Variants in IL23R observed in about 807,000 individuals in gnomAD.
IL23R encodes the protein interleukin-23 receptor.
A neutral mutation model predicts 56.9 loss-of-function variants in IL23R; 34 were observed. The observed-to-expected ratio is 0.60, with a 90% CI of 0.45 to 0.80. The LOEUF (loss-of-function observed/expected upper bound fraction) is 0.80. IL23R is among the 30% of genes least tolerant of loss of function. IL23R has a pLI of 0.00. For synonymous variants in IL23R, 230 were observed against 249.2 expected, an observed-to-expected ratio of 0.92 and a Z score of 0.73; for missense variants, 635 against 730.0, an observed-to-expected ratio of 0.87 and a Z score of 1.50.
chr1:67,256,581 G>C (rs1263199608), intron 10 of IL23R, among the ~76,000 whole-genome samples: 1 of 152,124 alleles, frequency 6.6e-6, no homozygotes, highest in Non-Finnish European at 1.5e-5. Context: ...CCCAGTCCAA[G>C]GGACAAACAC....
At chr1:67,162,851 C>T (rs779169414), upstream of IL23R, among the ~76,000 whole-genome samples, 2 of 152,126 alleles carry the variant, frequency 1.3e-5, no homozygotes, top group South Asian at 2.1e-4. Flanking sequence ...CTGTGAACCC[C>T]GGCTCATTTT....
chr1:67,228,205 T>TCCTTCCTCC (rs1275872197), intron 7 of IL23R, among the ~76,000 whole-genome samples: 1 of 142,532 alleles, frequency 7.0e-6, no homozygotes, highest in Admixed American at 7.3e-5. Context: ...CTTCCTCCCT[T>TCCTTCCTCC]CTTTTTTAGA....
chr1:67,193,215 C>T, intron 4 of IL23R, among the ~76,000 whole-genome samples: 1 of 152,162 alleles, frequency 6.6e-6, no homozygotes, highest in Non-Finnish European at 1.5e-5. Flanking sequence ...CTTTCCTCAT[C>T]TCTCTAAAAA....
At chr1:67,204,715 A>G (rs1311970957) in intron 5 of IL23R, among the ~76,000 whole-genome samples, 1 of 151,548 alleles carries the variant, frequency 6.6e-6, no homozygotes, top group Non-Finnish European at 1.5e-5. Context: ...AATGGTCCTA[A>G]GCAATTTCAG....
intron 10 of IL23R, among the ~76,000 whole-genome samples, chr1:67,256,239 A>G (rs1652941459): frequency 6.6e-6 from 1 of 152,224 alleles, no homozygotes; most frequent in Non-Finnish European, 1.5e-5. Flanking sequence ...GTCTTCAGGA[A>G]CAAAGGGAGT....
At chr1:67,239,526 A>G (rs938633405) in intron 8 of IL23R, among the ~76,000 whole-genome samples, 2 of 152,192 alleles carry the variant, frequency 1.3e-5, no homozygotes, top group Non-Finnish European at 2.9e-5. Context: ...CGGCCTCTCA[A>G]AGTGCTGGGA....
rs953859984 is a variant in IL23R at position 67,183,017 on chromosome 1, C to T, written c.491+58C>T. 6 of 1,601,378 alleles carry T rather than the reference C, an allele frequency of 3.7e-6. No homozygotes were observed. In the African/African-American group the frequency reaches 8.0e-5, roughly 21 times the overall value. ...GTTCCACCCCAGTTCAGCCAGAGCT[C>T]TGCCTCCAGCAGAGATCCAAGAAAT... is the stretch of plus-strand genomic sequence containing the variant. On this transcript the variant is annotated intron_variant, in intron 4 of 10. Coordinates refer to ENST00000347310, the MANE Select transcript of IL23R (RefSeq NM_144701.3).
At chr1:67,151,723 C>T (rs1646729949) in intron 1 of IL23R, among the ~76,000 whole-genome samples, 1 of 152,126 alleles carries the variant, frequency 6.6e-6, no homozygotes, top group Non-Finnish European at 1.5e-5. Flanking sequence ...TTCCCCATTG[C>T]TTATTTTTGT....
chr1:67,152,001 T>C (rs1338890258), intron 1 of IL23R, among the ~76,000 whole-genome samples: 1 of 152,178 alleles, frequency 6.6e-6, no homozygotes, highest in Non-Finnish European at 1.5e-5. Context: ...CTGCGAAGAA[T>C]GTAAATGGTA....
intron 7 of IL23R, among the ~76,000 whole-genome samples, chr1:67,235,622 G>A (rs572350743): frequency 4.5e-4 from 69 of 152,070 alleles, no homozygotes; most frequent in African/African-American, 1.6e-3. Flanking sequence ...TCAACTCCTG[G>A]CCTCAAGTGA....
chr1:67,207,403 C>A (rs1649149828), intron 6 of IL23R, among the ~76,000 whole-genome samples: 1 of 152,122 alleles, frequency 6.6e-6, no homozygotes, highest in South Asian at 2.1e-4. Flanking sequence ...TTATTGCCAT[C>A]TTTATGTCCA....
chr1:67,230,037 C>CA (rs1294019325), intron 7 of IL23R, among the ~76,000 whole-genome samples: 4 of 152,230 alleles, frequency 2.6e-5, no homozygotes, highest in African/African-American at 9.6e-5. Context: ...GAACCACAGC[C>CA]AAAATCACAG....
chr1:67,205,915 C>CTTTCTTTCTT (rs565564329), intron 5 of IL23R, among the ~76,000 whole-genome samples: 12,759 of 122,890 alleles, frequency 0.1, 728 homozygotes, highest in Non-Finnish European at 0.14. Flanking sequence ...TTCTTTCTTT[C>CTTTCTTTCTT]TTTCTTTCTT....
chr1:67,205,893 TTC>T (rs1416835876), intron 5 of IL23R, among the ~76,000 whole-genome samples: 3 of 123,836 alleles, frequency 2.4e-5, no homozygotes, highest in African/African-American at 8.2e-5. Context: ...CTTTCTTTCT[TTC>T]TTTCTTTCTT....
chr1:67,139,163 T>C lies in IL23R; in HGVS notation c.-634+2T>C, dbSNP rs1646611379. The C allele has an allele frequency of 6.6e-6, 1 of 152,252 alleles. No homozygotes were observed. The highest frequency in any genetic ancestry group is 1.5e-5 in the Non-Finnish European group (1 of 68,044). The allele number at this position is 152,252 out of a possible 1,614,324, so 9.4% of individuals were successfully genotyped here. A position where few individuals can be genotyped will look rare whatever the true frequency, so the allele number is the denominator to read the frequency against. On this transcript the variant is annotated splice_donor_variant, in intron 1 of 10. Coordinates refer to the IL23R transcript ENST00000637002. LOFTEE classifies it low-confidence loss of function (5UTR_SPLICE). Reference sequence around the variant, plus strand: ...GACCTCTTCAGCTAACATGATCCAGTAAGTTCTCTTTGTGTATAAACCAGT... The same window carrying C: ...GACCTCTTCAGCTAACATGATCCAGCAAGTTCTCTTTGTGTATAAACCAGT...
At chr1:67,154,272 T>A (rs983305867) in intron 1 of IL23R, among the ~76,000 whole-genome samples, 3 of 152,236 alleles carry the variant, frequency 2.0e-5, no homozygotes, top group Non-Finnish European at 4.4e-5. Flanking sequence ...GTCTATTAGG[T>A]GCACTTGATC....
chr1:67,197,119 G>A (rs113158698), intron 4 of IL23R, among the ~76,000 whole-genome samples: 141 of 152,320 alleles, frequency 9.3e-4, no homozygotes, highest in African/African-American at 3.1e-3. Flanking sequence ...AACTCAGAGA[G>A]TAGGGAAAGA....
chr1:67,236,257 CAGG>C, intron 7 of IL23R, among the ~76,000 whole-genome samples: 1 of 152,340 alleles, frequency 6.6e-6, no homozygotes, highest in Admixed American at 6.5e-5. Context: ...TATGAGGAGC[CAGG>C]AGAAGGTGAA....
At chr1:67,162,471 A>G (rs1646831065), upstream of IL23R, among the ~76,000 whole-genome samples, 1 of 152,106 alleles carries the variant, frequency 6.6e-6, no homozygotes, top group Non-Finnish European at 1.5e-5. Context: ...TGGGAGACAG[A>G]GAAAGAAAAA....
Sources: allele counts gnomAD v4.1 joint callset (sites outside exome capture counted in the v4.1 genomes callset), GRCh38; gene constraint gnomAD v4.1.1; transcripts MANE v1.5; gene names NCBI Gene and HGNC (gene_info 2026-07-23, HGNC 2026-07-21).